Variants in GEMIN5 observed in about 807,000 individuals in gnomAD.
The protein encoded by GEMIN5 is gem nuclear organelle associated protein 5.
A neutral mutation model predicts 176.9 loss-of-function variants in GEMIN5; 124 were observed. The ratio of observed to expected loss-of-function variants is 0.70; its 90% confidence interval spans 0.61 to 0.81. The LOEUF is 0.81. GEMIN5 is among the 40% of genes least tolerant of loss of function. The pLI is 0.00. For synonymous variants in GEMIN5, 673 were observed against 665.2 expected (o/e 1.01, Z -0.18); for missense variants, 1,843 against 1,814.6 (o/e 1.02, Z -0.28).
chr5:154,890,790 G>A (rs1763207367), intron 26 of GEMIN5, among the ~76,000 whole-genome samples: 1 of 151,926 alleles, frequency 6.6e-6, no homozygotes, highest in Admixed American at 6.6e-5. Flanking sequence ...TTGAGATGAA[G>A]TCTCCCTCTG....
intron 12 of GEMIN5, 100 bp downstream of exon 12, chr5:154,917,831 A>G (rs1397568648): frequency 2.5e-6 from 2 of 791,922 alleles, no homozygotes; most frequent in Admixed American, 3.7e-5. Flanking sequence ...ACCAAATACA[A>G]CTGGGCCGCC....
chr5:154,906,539 G>A (rs952320154), intron 16 of GEMIN5, among the ~76,000 whole-genome samples: 20 of 152,152 alleles, frequency 1.3e-4, no homozygotes, highest in African/African-American at 4.8e-4. Context: ...GTTGATCCAT[G>A]TTTTGTATAG....
At chr5:154,910,199 G>A (rs1763673328) in intron 15 of GEMIN5, among the ~76,000 whole-genome samples, 1 of 151,756 alleles carries the variant, frequency 6.6e-6, no homozygotes, top group African/African-American at 2.4e-5. Flanking sequence ...CCAGTTTTTG[G>A]TGATCACAGA....
At chr5:154,916,275 A>G (rs772961409) in intron 13 of GEMIN5, among the ~76,000 whole-genome samples, 14 of 152,154 alleles carry the variant, frequency 9.2e-5, no homozygotes, top group Non-Finnish European at 2.1e-4. Flanking sequence ...TTTAGAGAAA[A>G]AAACTGCAAG....
intron 19 of GEMIN5, 111 bp downstream of exon 19, chr5:154,902,969 C>A: frequency 1.3e-6 from 1 of 755,390 alleles, no homozygotes; most frequent in South Asian, 1.7e-5. Context: ...TTAGCTGACA[C>A]GTAAAACTAA....
intron 26 of GEMIN5, among the ~76,000 whole-genome samples, chr5:154,890,471 T>A (rs900004154): frequency 2.0e-5 from 3 of 149,030 alleles, no homozygotes; most frequent in South Asian, 2.1e-4. Context: ...AATTTAATTT[T>A]TTTTTTTTTT....
rs1206634547 is a variant in GEMIN5, at chr5:154,911,764, C to A, written c.2130G>T (p.Trp710Cys). ...GGGAATGATCTTGCATGGAAGTGAGCCACTTGTGCACACAAAAGTCATCTG... is the reference window on the plus strand; with the variant it reads ...GGGAATGATCTTGCATGGAAGTGAGACACTTGTGCACACAAAAGTCATCTG... ...SGADDFCVHK[W>C]LTSMQDHSRP... The change falls in exon 15 of 28, where the codon TGG becomes TGT. Residue 710 changes from tryptophan to cysteine, a missense_variant. Transcript: ENST00000285873. The A allele has an allele frequency of 3.1e-6, 5 of 1,613,912 alleles. No individual in the cohort carries two copies. Among genetic ancestry groups the A allele is most frequent in the Non-Finnish European group, 4.2e-6 (5 of 1,179,804 alleles).
In GEMIN5 at chr5:154,899,255, C is replaced by T. The variant is rs1452505444; in HGVS notation, c.3070G>A (p.Asp1024Asn). 1 of 1,613,234 alleles carries T rather than the reference C, an allele frequency of 6.2e-7. No homozygotes were observed. Among genetic ancestry groups the T allele is most frequent in the Non-Finnish European group, 8.5e-7 (1 of 1,179,530 alleles). Residue 1024 changes from aspartate to asparagine, a missense_variant, in exon 22 of 28, where the codon GAC (aspartate) becomes AAC (asparagine). Transcript: ENST00000285873. Reference sequence around the variant, plus strand: ...ACGGTTCCCCAGCTGAGGTACAAGTCCTTCAGGACTGGGTCCTCCGGGCGC... The same window carrying T: ...ACGGTTCCCCAGCTGAGGTACAAGTTCTTCAGGACTGGGTCCTCCGGGCGC... ...RLRPEDPVLK[D>N]LYLSWGTVLE...
Position 154,888,150 on chromosome 5 carries a change from G to A in GEMIN5, c.*60C>T. The stretch of plus-strand genomic sequence containing the variant: ...AGTGAATGTCTGGTGAGGCATAACT[G>A]CAGAGGTGAAAGATGTCAAACATTT... On this transcript the variant is annotated 3_prime_UTR_variant, in exon 28 of 28. Coordinates refer to ENST00000285873, the MANE Select transcript of GEMIN5 (RefSeq NM_015465.5). 6.8e-7 allele frequency: 1 copy of A among 1,480,284 alleles called. No homozygotes were observed. Among genetic ancestry groups the A allele is most frequent in the Non-Finnish European group, 9.4e-7 (1 of 1,058,950 alleles). 91.7% of individuals were successfully genotyped at this position (1,480,284 alleles called of 1,614,324 possible). A position where few individuals can be genotyped will look rare whatever the true frequency, so the allele number is the denominator to read the frequency against.
rs781045374 is a variant in GEMIN5 at position 154,892,555 on chromosome 5, G to C, written c.3598-6C>G. ...TGGCAAATGTGAAGCAGGAGCTGGAGAGAGAAGCCAGAGTCTGAGTTAAAC... is the reference window on the plus strand; with the variant it reads ...TGGCAAATGTGAAGCAGGAGCTGGACAGAGAAGCCAGAGTCTGAGTTAAAC... On this transcript the variant is annotated splice_region_variant and splice_polypyrimidine_tract_variant and intron_variant, in intron 24 of 27. Transcript: ENST00000285873. 1 of 1,612,946 alleles carries C rather than the reference G, an allele frequency of 6.2e-7. No homozygotes were observed. The highest frequency in any genetic ancestry group is 8.5e-7 in the Non-Finnish European group (1 of 1,179,232).
At chr5:154,896,777 C>T (rs560198708) in intron 23 of GEMIN5, among the ~76,000 whole-genome samples, 2 of 152,246 alleles carry the variant, frequency 1.3e-5, no homozygotes, top group East Asian at 3.9e-4. Flanking sequence ...TTTGCAGATC[C>T]AAGAGCTGGG....
chr5:154,903,987 A>T (rs1763520440), intron 18 of GEMIN5, among the ~76,000 whole-genome samples: 1 of 152,144 alleles, frequency 6.6e-6, no homozygotes, highest in Admixed American at 6.5e-5. Context: ...TTTAAAAAAT[A>T]AAGTTATTAA....
At chr5:154,926,351 G>A (rs111398051) in intron 7 of GEMIN5, among the ~76,000 whole-genome samples, 1 of 152,138 alleles carries the variant, frequency 6.6e-6, no homozygotes, top group Admixed American at 6.5e-5. Flanking sequence ...CAAGTTCGGT[G>A]GTCTTTCTGT....
At chr5:154,890,063 T>C (rs958304463) in intron 26 of GEMIN5, among the ~76,000 whole-genome samples, 8 of 152,242 alleles carry the variant, frequency 5.3e-5, no homozygotes, top group African/African-American at 1.7e-4. Flanking sequence ...CCACAGTGGC[T>C]GCATCATTTT....
chr5:154,915,264 G>C (rs551152011), intron 13 of GEMIN5, among the ~76,000 whole-genome samples: 1 of 152,246 alleles, frequency 6.6e-6, no homozygotes, highest in African/African-American at 2.4e-5. Flanking sequence ...AGGATTCTTA[G>C]AAAACTACTG....
intron 6 of GEMIN5, 105 bp from the exon 7 acceptor site, chr5:154,927,655 T>C (rs1424761929): frequency 6.0e-6 from 5 of 834,112 alleles, no homozygotes; most frequent in Non-Finnish European, 9.3e-6. Context: ...TTTGTTGTCG[T>C]TTAAGGAGAG....
intron 26 of GEMIN5, 29 bp downstream of exon 26, chr5:154,891,212 T>C: frequency 1.3e-6 from 2 of 1,579,790 alleles, no homozygotes; most frequent in Non-Finnish European, 1.7e-6. Flanking sequence ...TCATTTTTCA[T>C]TCCGTCTTGT....
chr5:154,921,621 AT>A (rs1425408389), intron 9 of GEMIN5, among the ~76,000 whole-genome samples, 196 bp from the exon 10 acceptor site: 1 of 152,230 alleles, frequency 6.6e-6, no homozygotes, highest in Non-Finnish European at 1.5e-5. Flanking sequence ...CATTTAAATT[AT>A]ATTTAAATAT....
In GEMIN5 at chr5:154,915,687, G is replaced by A. The variant is rs193001256; in HGVS notation, c.1855+1311C>T. 2.0e-3 allele frequency among the ~76,000 whole-genome samples: 309 copies of A among 152,246 alleles called. 1 individual carries two copies. The highest frequency in any genetic ancestry group is 7.1e-3 in the African/African-American group (295 of 41,560). ...TAATCATTGGGAAAATGAGGATAAC[G>A]TTACCTATCACCCTCACAGGATTGT... On this transcript the variant is annotated intron_variant, in intron 13 of 27. Coordinates refer to ENST00000285873, the MANE Select transcript of GEMIN5 (RefSeq NM_015465.5).
Sources: allele counts gnomAD v4.1 joint callset (sites outside exome capture counted in the v4.1 genomes callset), GRCh38; gene constraint gnomAD v4.1.1; transcripts MANE v1.5; gene names NCBI Gene and HGNC (gene_info 2026-07-23, HGNC 2026-07-21).